EBF3: variants seen among roughly 807,000 people sequenced by gnomAD.
EBF3 encodes the protein EBF transcription factor 3.
Under a neutral mutation model 77.1 loss-of-function variants are expected in EBF3, and 18 were observed. That is an observed-to-expected ratio of 0.23 (90% CI 0.16 to 0.35). The LOEUF (loss-of-function observed/expected upper bound fraction) is 0.35, where lower values mean the gene tolerates loss of function less well. Ranked by LOEUF, EBF3 falls within the 10% of genes least tolerant of loss-of-function variation. The probability of loss-of-function intolerance (pLI) is 1.00; values close to 1 mark genes in which losing one functional copy is unlikely to be tolerated. For missense variants in EBF3, 558 were observed against 860.0 expected (o/e 0.65, Z 4.39); for synonymous variants, 350 against 343.5 (o/e 1.02, Z -0.21).
intron 6 of EBF3, among the ~76,000 whole-genome samples, chr10:129,934,169 C>T (rs964053602): frequency 1.3e-5 from 2 of 152,008 alleles, no homozygotes; most frequent in African/African-American, 4.8e-5. Context: ...GTATTAATAT[C>T]CCCCCTCTCC....
intron 7 of EBF3, among the ~76,000 whole-genome samples, 184 bp downstream of exon 7, chr10:129,877,584 C>T (rs947238032): frequency 1.3e-5 from 2 of 150,822 alleles, no homozygotes; most frequent in African/African-American, 4.9e-5. Flanking sequence ...ATCTGGCATA[C>T]TGAATATACC....
chr10:129,839,672 G>A (rs977403156), intron 15 of EBF3, among the ~76,000 whole-genome samples: 2 of 152,252 alleles, frequency 1.3e-5, no homozygotes, highest in Admixed American at 1.3e-4. Context: ...GTGCAGCCCT[G>A]CTGGATGTGT....
intron 6 of EBF3, among the ~76,000 whole-genome samples, chr10:129,899,642 G>A (rs1854644247): frequency 6.6e-6 from 1 of 152,152 alleles, no homozygotes; most frequent in South Asian, 2.1e-4. Context: ...AATGGCAGCA[G>A]GGTTGAACTC....
rs1851629670 is a variant in EBF3 at position 129,861,433 on chromosome 10, T to C, written c.1039+5708A>G. On this transcript the variant is annotated intron_variant, in intron 10 of 16. Coordinates refer to ENST00000440978, the MANE Select transcript of EBF3 (RefSeq NM_001375380.1). This position sits in a 1 kb window ranked among gnomAD's most constrained non-coding sequence, Gnocchi z 4.3. ...GGAGTCACGCATTATCTTGTGATTA[T>C]CCCGATTCTGGGCAGGTCCAGAGTC... is the stretch of plus-strand genomic sequence containing the variant. Among the ~76,000 whole-genome samples the C allele has an allele frequency of 6.6e-6, 1 of 152,200 alleles. No homozygotes were observed. The highest frequency in any genetic ancestry group is 1.5e-5 in the Non-Finnish European group (1 of 68,038).
chr10:129,848,621 T>G lies in EBF3; in HGVS notation c.1040-141A>C. 3.7e-6 allele frequency: 3 copies of G among 810,162 alleles called. No individual in the cohort carries two copies. The highest frequency in any genetic ancestry group is 6.2e-6 in the Non-Finnish European group (3 of 480,412). The allele number at this position is 810,162 out of a possible 1,614,324, so 50.2% of individuals were successfully genotyped here. A position where few individuals can be genotyped will look rare whatever the true frequency, so the allele number is the denominator to read the frequency against. On this transcript the variant is annotated intron_variant, in intron 10 of 16. Coordinates refer to ENST00000440978, the MANE Select transcript of EBF3 (RefSeq NM_001375380.1). The surrounding 1 kb of genome is among the most constrained non-coding windows in gnomAD (Gnocchi z 4.4). ...CAAGCACCCCTGAATACTAGCTGTG[T>G]CTTAAGGAATAGATTTTCCCCCTTT...
intron 6 of EBF3, among the ~76,000 whole-genome samples, chr10:129,896,844 G>A (rs1854426247): frequency 6.6e-6 from 1 of 152,218 alleles, no homozygotes; most frequent in African/African-American, 2.4e-5. Flanking sequence ...AACTTGGCAG[G>A]GGAGTCGACC....
intron 10 of EBF3, among the ~76,000 whole-genome samples, chr10:129,853,262 C>G (rs368727498): frequency 1.5e-4 from 23 of 152,312 alleles, no homozygotes; most frequent in African/African-American, 3.1e-4. Context: ...TAAGCCCAAG[C>G]CCAGCACGCA....
At chr10:129,871,197 C>T (rs1176678888) in intron 8 of EBF3, among the ~76,000 whole-genome samples, 2 of 152,046 alleles carry the variant, frequency 1.3e-5, no homozygotes, top group African/African-American at 2.4e-5. Context: ...GGGCAGGGCT[C>T]GCGGAAGGTT....
At position 129,927,708 on chromosome 10, in the gene EBF3, C is replaced by G. The variant is rs79752130; in HGVS notation, c.554+29550G>C. ...TCGGCCCTCCCTCTGCCCTTTGAGT[C>G]TACCTGCCCTGAGATGTCCCCTGAG... On this transcript the variant is annotated intron_variant, in intron 6 of 16. Coordinates refer to ENST00000440978, the MANE Select transcript of EBF3 (RefSeq NM_001375380.1). Among the ~76,000 whole-genome samples the G allele has an allele frequency of 3.5e-3, 526 of 152,344 alleles. 1 individual carries two copies. The highest frequency in any genetic ancestry group is 0.012 in the African/African-American group (503 of 41,578).
chr10:129,909,684 G>A (rs1855381696), intron 6 of EBF3, among the ~76,000 whole-genome samples: 1 of 152,164 alleles, frequency 6.6e-6, no homozygotes, highest in Admixed American at 6.5e-5. Flanking sequence ...TGCATGCTGG[G>A]TGCCTGCTTG....
chr10:129,930,737 T>C (rs557862351), intron 6 of EBF3, among the ~76,000 whole-genome samples: 25 of 149,158 alleles, frequency 1.7e-4, no homozygotes, highest in Non-Finnish European at 3.1e-4. Flanking sequence ...TGTCTATATC[T>C]ATCTCTATAT....
intron 6 of EBF3, among the ~76,000 whole-genome samples, chr10:129,908,889 C>G (rs1564878744): frequency 6.6e-6 from 1 of 152,188 alleles, no homozygotes; most frequent in African/African-American, 2.4e-5. Flanking sequence ...CGACTCTTTG[C>G]AAATTCTAAA....
chr10:129,885,823 C>T lies in EBF3; in HGVS notation c.555-7974G>A, dbSNP rs1331170353. Among the ~76,000 whole-genome samples the T allele has an allele frequency of 6.6e-6, 1 of 152,168 alleles. No individual in the cohort carries two copies. The highest frequency in any genetic ancestry group is 2.4e-5 in the African/African-American group (1 of 41,456). On this transcript the variant is annotated intron_variant, in intron 6 of 16. Coordinates refer to ENST00000440978, the MANE Select transcript of EBF3 (RefSeq NM_001375380.1). The surrounding 1 kb of genome is among the most constrained non-coding windows in gnomAD (Gnocchi z 4.0). ...CAGACGCACCCCCCTGACTTGTTGC[C>T]AGCTCCAGGGGAGGCTTTTACAGGT...
At chr10:129,894,532 C>T (rs1046872357) in intron 6 of EBF3, among the ~76,000 whole-genome samples, 2 of 152,164 alleles carry the variant, frequency 1.3e-5, no homozygotes, top group Non-Finnish European at 2.9e-5. Context: ...TGCCTCTGGG[C>T]CCCGCCTCTG....
Position 129,943,489 on chromosome 10 carries a change from C to T in EBF3, c.554+13769G>A, listed in dbSNP as rs1394297534. On this transcript the variant is annotated intron_variant, in intron 6 of 16. Coordinates refer to ENST00000440978, the MANE Select transcript of EBF3 (RefSeq NM_001375380.1). The surrounding 1 kb of genome is among the most constrained non-coding windows in gnomAD (Gnocchi z 8.8). ...TTCTCCATCATTATATAACTGTAAACTTCTGGAGGTTAGAGATTGGATAAT... is the reference window on the plus strand; with the variant it reads ...TTCTCCATCATTATATAACTGTAAATTTCTGGAGGTTAGAGATTGGATAAT... Among the ~76,000 whole-genome samples the T allele has an allele frequency of 1.3e-5, 2 of 152,158 alleles. No homozygotes were observed. The highest frequency in any genetic ancestry group is 1.9e-4 in the East Asian group (1 of 5,186).
chr10:129,963,954 G>C lies in EBF3; in HGVS notation c.-186C>G. ...CATACACCAGCGGCCGGGCGCTCCG[G>C]ACGGCCAGGGGCGCGGAGGCGGCTC... On this transcript the variant is annotated 5_prime_UTR_variant, in exon 1 of 17. Transcript: ENST00000440978. The surrounding 1 kb of genome is among the most constrained non-coding windows in gnomAD (Gnocchi z 7.1). 2 of 1,038,442 alleles carry C rather than the reference G, an allele frequency of 1.9e-6. No homozygotes were observed. Among genetic ancestry groups the C allele is most frequent in the Non-Finnish European group, 2.3e-6 (2 of 866,704 alleles). The allele number at this position is 1,038,442 out of a possible 1,614,324, so 64.3% of individuals were successfully genotyped here. A position where few individuals can be genotyped will look rare whatever the true frequency, so the allele number is the denominator to read the frequency against.
At chr10:129,896,790 A>G (rs1854420974) in intron 6 of EBF3, among the ~76,000 whole-genome samples, 1 of 152,202 alleles carries the variant, frequency 6.6e-6, no homozygotes, top group Non-Finnish European at 1.5e-5. Flanking sequence ...AACTCCTGAG[A>G]GCTGGTGACA....
rs1209865855 is a variant in EBF3 at position 129,879,757 on chromosome 10, G to A, written c.555-1908C>T. On this transcript the variant is annotated intron_variant, in intron 6 of 16. Transcript: ENST00000440978. This position sits in a 1 kb window ranked among gnomAD's most constrained non-coding sequence, Gnocchi z 4.7. ...TGTGCAATTAAACTCCACACGTTCC[G>A]CAGCGAGGTAAATGAGGCGCACCTG... 4.6e-5 allele frequency among the ~76,000 whole-genome samples: 7 copies of A among 152,106 alleles called. No individual in the cohort carries two copies. Among genetic ancestry groups the A allele is most frequent in the East Asian group, 1.9e-4 (1 of 5,204 alleles).
At chr10:129,875,187 C>CTTTTTT (rs1193539598) in intron 7 of EBF3, among the ~76,000 whole-genome samples, 21 of 92,930 alleles carry the variant, frequency 2.3e-4, no homozygotes, top group South Asian at 4.0e-4. Context: ...ATGGCTTCTT[C>CTTTTTT]TTTTTTTTTT....
Sources: gnomAD v4.1 joint callset for allele counts (sites outside exome capture counted in the v4.1 genomes callset) on GRCh38, gnomAD v4.1.1 for gene constraint, Gnocchi (gnomAD v3.1) non-coding constraint, MANE v1.5 for transcripts, NCBI Gene and HGNC (gene_info 2026-07-23, HGNC 2026-07-21) for gene names.